The following SPIN1 variants were observed in gnomAD, a reference collection of about 807,000 sequenced individuals.
SPIN1 encodes the protein spindlin 1, also known as spindlin-1.
Under a neutral mutation model 26.0 loss-of-function variants are expected in SPIN1, and 3 were observed. The observed-to-expected ratio is 0.12, with a 90% CI of 0.05 to 0.30. The LOEUF (loss-of-function observed/expected upper bound fraction) is 0.30, where lower values mean the gene tolerates loss of function less well. Ranked by LOEUF, SPIN1 falls within the 10% of genes least tolerant of loss-of-function variation. The probability of loss-of-function intolerance (pLI) is 1.00; values close to 1 mark genes in which losing one functional copy is unlikely to be tolerated. For synonymous variants in SPIN1, 101 were observed against 116.5 expected, an observed-to-expected ratio of 0.87 and a Z score of 0.86; for missense variants, 126 against 333.4, an observed-to-expected ratio of 0.38 and a Z score of 4.84.
chr9:88,475,044 TCTC>T lies in SPIN1; in HGVS notation c.590-33_590-31del, dbSNP rs1338885584. On this transcript the variant is annotated intron_variant, in intron 5 of 5. Coordinates refer to ENST00000375859, the MANE Select transcript of SPIN1 (RefSeq NM_006717.3). ...AATTGACTTAGAAATTTTCTCTCTC[TCTC>T]TTTTTTTTTTTTTTTTTTTTTTTAA... 16 of 1,351,574 alleles carry T rather than the reference TCTC, an allele frequency of 1.2e-5. No individual in the cohort carries two copies. The Admixed American group carries it at 1.2e-4, about 10-fold the overall frequency. 83.7% of individuals were successfully genotyped at this position (1,351,574 alleles called of 1,614,324 possible). A position where few individuals can be genotyped will look rare whatever the true frequency, so the allele number is the denominator to read the frequency against.
intron 2 of SPIN1, among the ~76,000 whole-genome samples, chr9:88,441,468 A>AT (rs75081618): frequency 0.18 from 27,089 of 148,842 alleles, 3,315 homozygotes; most frequent in African/African-American, 0.34. Flanking sequence ...ATTAAGAAAA[A>AT]AGGCCAGGCC....
intron 1 of SPIN1, chr9:88,411,287 A>T (rs1434706538): frequency 7.8e-7 from 1 of 1,280,190 alleles, no homozygotes; most frequent in Admixed American, 1.7e-5. Context: ...ATATGTGACA[A>T]ACTCAAAGCC....
At chr9:88,424,146 C>G (rs1827722048) in intron 1 of SPIN1, among the ~76,000 whole-genome samples, 1 of 152,080 alleles carries the variant, frequency 6.6e-6, no homozygotes, top group Admixed American at 6.6e-5. Context: ...ATTGATTAGG[C>G]AAGTGACAGG....
intron 2 of SPIN1, among the ~76,000 whole-genome samples, chr9:88,432,679 G>T (rs1827905809): frequency 6.6e-6 from 1 of 151,758 alleles, no homozygotes; most frequent in Non-Finnish European, 1.5e-5. Context: ...AGTAGAGATG[G>T]GGTTTCACCA....
At chr9:88,403,944 A>G (rs1314767947) in intron 1 of SPIN1, among the ~76,000 whole-genome samples, 1 of 152,192 alleles carries the variant, frequency 6.6e-6, no homozygotes, top group Admixed American at 6.5e-5. Context: ...TTAGGTGAGC[A>G]TTATAGAGCA....
chr9:88,408,300 C>T (rs1206733160), intron 1 of SPIN1, among the ~76,000 whole-genome samples: 1 of 146,510 alleles, frequency 6.8e-6, no homozygotes, highest in African/African-American at 2.5e-5. Flanking sequence ...TTAAGCACTT[C>T]AGATCTTCTC....
At chr9:88,410,344 A>G (rs372299164) in intron 1 of SPIN1, among the ~76,000 whole-genome samples, 91 of 152,320 alleles carry the variant, frequency 6.0e-4, no homozygotes, top group African/African-American at 2.0e-3. Flanking sequence ...CTGTTATACA[A>G]TTAGTCACAA....
intron 1 of SPIN1, among the ~76,000 whole-genome samples, chr9:88,390,839 C>CT (rs1447722955): frequency 6.6e-6 from 1 of 151,972 alleles, no homozygotes; most frequent in Non-Finnish European, 1.5e-5. Context: ...ATCATGCAGC[C>CT]TTTTTTTAAA....
At chr9:88,465,436 C>G (rs940367056) in intron 4 of SPIN1, among the ~76,000 whole-genome samples, 10 of 152,188 alleles carry the variant, frequency 6.6e-5, no homozygotes. Flanking sequence ...GGTTCCAGTT[C>G]TCCATCCCTT....
intron 1 of SPIN1, among the ~76,000 whole-genome samples, chr9:88,392,990 C>G (rs996430676): frequency 6.6e-6 from 1 of 152,102 alleles, no homozygotes. Context: ...TGTTTTAGAA[C>G]AGTATGAAAG....
At chr9:88,448,209 A>G (rs1021957827) in intron 2 of SPIN1, among the ~76,000 whole-genome samples, 20 of 151,698 alleles carry the variant, frequency 1.3e-4, no homozygotes, top group Non-Finnish European at 2.1e-4. Flanking sequence ...ACGCCTGGCT[A>G]ATTTTTGTAT....
At chr9:88,404,915 C>T (rs1052672654) in intron 1 of SPIN1, among the ~76,000 whole-genome samples, 1 of 83,860 alleles carries the variant, frequency 1.2e-5, no homozygotes, top group Non-Finnish European at 2.9e-5. Context: ...GATTTCGTCT[C>T]AAAAAAAAAA....
In SPIN1 at chr9:88,445,355, T is replaced by C. The variant is rs571316869; in HGVS notation, c.53-3586T>C. 2.2e-3 allele frequency among the ~76,000 whole-genome samples: 328 copies of C among 152,126 alleles called. 1 individual carries two copies. Among genetic ancestry groups the C allele is most frequent in the African/African-American group, 7.7e-3 (321 of 41,496 alleles). ...CATCACATACTTAATTCTTCACCCA[T>C]TAGCCATTATCAAGCCTCTGTCCAC... On this transcript the variant is annotated intron_variant, in intron 2 of 5. Coordinates refer to ENST00000375859, the MANE Select transcript of SPIN1 (RefSeq NM_006717.3).
Position 88,462,644 on chromosome 9 carries a change from C to T in SPIN1, c.250C>T (p.Pro84Ser), listed in dbSNP as rs1828595789. ...CGTTCTGGACCAGGTGCCTGTAAAT[C>T]CTTCTTTGTATCTTATAAAATACGA... is the stretch of plus-strand genomic sequence containing the variant. ...GTVLDQVPVN[P>S]SLYLIKYDGF... Residue 84 changes from proline to serine, a missense_variant, in exon 4 of 6, where the codon CCT becomes TCT. Physicochemically the swap from Pro to Ser is moderately conservative, Grantham distance 74. Transcript: ENST00000375859. 1 of 1,613,976 alleles carries T rather than the reference C, an allele frequency of 6.2e-7. No individual in the cohort carries two copies. Among genetic ancestry groups the T allele is most frequent in the African/African-American group, 1.3e-5 (1 of 74,912 alleles).
At chr9:88,400,030 T>G (rs1438180783) in intron 1 of SPIN1, among the ~76,000 whole-genome samples, 2 of 152,182 alleles carry the variant, frequency 1.3e-5, no homozygotes, top group Admixed American at 1.3e-4. Context: ...CTCTGCTGCC[T>G]TTCCCGGAGA....
rs979561084 is a variant in SPIN1 at position 88,411,184 on chromosome 9, T to G, written c.-158-15198T>G. The G allele has an allele frequency of 7.5e-5, 102 of 1,351,780 alleles. No homozygotes were observed. The African/African-American group carries it at 1.3e-3, about 18-fold the overall frequency. 83.7% of individuals were successfully genotyped at this position (1,351,780 alleles called of 1,614,324 possible). A position where few individuals can be genotyped will look rare whatever the true frequency, so the allele number is the denominator to read the frequency against. On this transcript the variant is annotated intron_variant, in intron 1 of 5. Coordinates refer to ENST00000375859, the MANE Select transcript of SPIN1 (RefSeq NM_006717.3). The stretch of plus-strand genomic sequence containing the variant: ...AGTGGGCACCTGGTCTTTAAGAATC[T>G]TCTGTTGAGACAGCTCTCTTTGGTT...
intron 1 of SPIN1, among the ~76,000 whole-genome samples, chr9:88,404,987 C>T (rs903997657): frequency 2.0e-5 from 3 of 151,666 alleles, no homozygotes; most frequent in Non-Finnish European, 4.4e-5. Flanking sequence ...TCCACCTCGG[C>T]ATCTTGTCCA....
intron 3 of SPIN1, among the ~76,000 whole-genome samples, chr9:88,454,664 TC>T (rs1828434452): frequency 1.3e-5 from 2 of 152,226 alleles, no homozygotes; most frequent in South Asian, 4.1e-4. Context: ...GCTTCAATAA[TC>T]TACATCAAAC....
intron 1 of SPIN1, among the ~76,000 whole-genome samples, chr9:88,410,253 C>G (rs906720631): frequency 1.3e-5 from 2 of 149,934 alleles, no homozygotes; most frequent in Non-Finnish European, 2.9e-5. Flanking sequence ...ATTTAGCAAT[C>G]AACAGCATGG....
Sources: gnomAD v4.1 joint callset for allele counts (sites outside exome capture counted in the v4.1 genomes callset) on GRCh38, gnomAD v4.1.1 for gene constraint, MANE v1.5 for transcripts, NCBI Gene and HGNC (gene_info 2026-07-23, HGNC 2026-07-21) for gene names.